CLEC16A: variants seen among roughly 807,000 people sequenced by gnomAD.
CLEC16A encodes the protein C-type lectin domain containing 16A.
A neutral mutation model predicts 109.5 loss-of-function variants in CLEC16A; 51 were observed. The observed-to-expected ratio is 0.47, with a 90% CI of 0.37 to 0.59. The LOEUF (loss-of-function observed/expected upper bound fraction) is 0.59. Ranked by LOEUF, CLEC16A falls within the 20% of genes least tolerant of loss-of-function variation. The probability of loss-of-function intolerance (pLI) is 0.00; values close to 1 mark genes in which losing one functional copy is unlikely to be tolerated. For synonymous variants in CLEC16A, 673 were observed against 564.2 expected, an observed-to-expected ratio of 1.19 and a Z score of -2.73; for missense variants, 1,339 against 1,394.0, an observed-to-expected ratio of 0.96 and a Z score of 0.63.
intron 18 of CLEC16A, among the ~76,000 whole-genome samples, chr16:11,054,530 A>G (rs959060004): frequency 6.6e-6 from 1 of 152,210 alleles, no homozygotes; most frequent in African/African-American, 2.4e-5. Context: ...CAGCTTCTCT[A>G]GAGTCTCTTT....
intron 19 of CLEC16A, among the ~76,000 whole-genome samples, chr16:11,117,396 A>G (rs1256009384): frequency 5.3e-5 from 8 of 152,196 alleles, no homozygotes; most frequent in African/African-American, 1.9e-4. Flanking sequence ...ATGTTTTGGC[A>G]CATTTTCTCT....
chr16:11,068,901 A>C (rs1597276031), intron 19 of CLEC16A, among the ~76,000 whole-genome samples: 1 of 150,844 alleles, frequency 6.6e-6, no homozygotes, highest in Non-Finnish European at 1.5e-5. Flanking sequence ...TGCAAGCTCC[A>C]CCTCCCAGAT....
intron 10 of CLEC16A, among the ~76,000 whole-genome samples, chr16:10,984,474 C>T (rs2043507469): frequency 6.6e-6 from 1 of 152,172 alleles, no homozygotes; most frequent in African/African-American, 2.4e-5. Context: ...CATAAAGAGT[C>T]TGTGCCGTAT....
intron 21 of CLEC16A, 42 bp from the exon 22 acceptor site, chr16:11,125,934 CTAT>C: frequency 7.6e-6 from 6 of 791,742 alleles, no homozygotes; most frequent in South Asian, 4.3e-5. Flanking sequence ...CCACCCCCCT[CTAT>C]CCCACATGCT....
chr16:11,079,132 T>A (rs2049560166), intron 19 of CLEC16A, among the ~76,000 whole-genome samples: 1 of 152,186 alleles, frequency 6.6e-6, no homozygotes, highest in Non-Finnish European at 1.5e-5. Context: ...GTGCTTGGCC[T>A]TGTGTATAAT....
chr16:11,035,507 G>A (rs1567224598), intron 13 of CLEC16A, among the ~76,000 whole-genome samples: 2 of 151,872 alleles, frequency 1.3e-5, no homozygotes, highest in Non-Finnish European at 2.9e-5. Context: ...ACGGCAGAGA[G>A]GAGGGAGGTA....
At chr16:11,057,839 C>T (rs1437664308) in intron 18 of CLEC16A, among the ~76,000 whole-genome samples, 1 of 152,208 alleles carries the variant, frequency 6.6e-6, no homozygotes, top group Admixed American at 6.5e-5. Context: ...TATTCACTAA[C>T]TGACCTTGGG....
intron 19 of CLEC16A, among the ~76,000 whole-genome samples, chr16:11,077,919 A>T (rs1247504577): frequency 2.7e-5 from 4 of 150,046 alleles, no homozygotes; most frequent in Admixed American, 6.7e-5. Context: ...AGGAGTTATG[A>T]CTAGCCTGGC....
intron 22 of CLEC16A, among the ~76,000 whole-genome samples, chr16:11,148,726 C>A (rs2054171640): frequency 1.3e-5 from 2 of 152,156 alleles, no homozygotes; most frequent in African/African-American, 4.8e-5. Context: ...CCTGTATGGC[C>A]AGGAAAGCAC....
intron 19 of CLEC16A, among the ~76,000 whole-genome samples, chr16:11,090,754 C>G (rs1373375018): frequency 6.6e-6 from 1 of 151,778 alleles, no homozygotes; most frequent in African/African-American, 2.4e-5. Flanking sequence ...AAGTGATTCT[C>G]CTGCCTCAGC....
At chr16:10,992,003 G>A (rs2044045837) in intron 10 of CLEC16A, among the ~76,000 whole-genome samples, 1 of 152,166 alleles carries the variant, frequency 6.6e-6, no homozygotes, top group Non-Finnish European at 1.5e-5. Context: ...GAGTTCTGAG[G>A]CCAGTTGAGT....
intron 1 of CLEC16A, among the ~76,000 whole-genome samples, chr16:10,949,829 G>A (rs532212126): frequency 2.6e-5 from 4 of 152,284 alleles, no homozygotes; most frequent in South Asian, 2.1e-4. Context: ...GGTGAGTTAC[G>A]GTAGCAGCTG....
chr16:11,156,933 A>ACCCCCC, intron 22 of CLEC16A: 1 of 55,154 alleles, frequency 1.8e-5, no homozygotes, highest in Non-Finnish European at 3.6e-5. Flanking sequence ...CCCCCCACCC[A>ACCCCCC]CCCCCTGCCG....
chr16:11,026,671 G>C lies in CLEC16A; in HGVS notation c.1537+1750G>C, dbSNP rs556416630. Among the ~76,000 whole-genome samples, 4 of 97,752 alleles carry C rather than the reference G, an allele frequency of 4.1e-5. No homozygotes were observed. The South Asian group carries it at 1.3e-3, about 32-fold the overall frequency. 64.1% of individuals were successfully genotyped at this position (97,752 alleles called of 152,430 possible). A position where few individuals can be genotyped will look rare whatever the true frequency, so the allele number is the denominator to read the frequency against. ...TTTTTTTTTTTTTTTTTTGCCTTCT[G>C]CTGCTTCCAATTTAATTTACTTTTT... On this transcript the variant is annotated intron_variant, in intron 13 of 23. Coordinates refer to ENST00000409790, the MANE Select transcript of CLEC16A (RefSeq NM_015226.3).
At chr16:11,051,376 C>G (rs146310133) in intron 17 of CLEC16A, 137 bp from the exon 18 acceptor site, 8 of 931,710 alleles carry the variant, frequency 8.6e-6, no homozygotes, top group African/African-American at 8.2e-5. Flanking sequence ...TTACTTCAAT[C>G]TAAATCCAGG....
Position 10,944,806 on chromosome 16 carries a change from G to C in CLEC16A, c.80+9G>C, listed in dbSNP as rs761920464. 5.0e-6 allele frequency: 8 copies of C among 1,599,698 alleles called. No homozygotes were observed. The highest frequency in any genetic ancestry group is 4.5e-5 in the East Asian group (2 of 44,500). ...TCCTTGGACCACCTCAAGTGAGTGT[G>C]GGGGGCGTAGCGGGAGGCCTCGGGG... On this transcript the variant is annotated intron_variant, in intron 1 of 23. Coordinates refer to ENST00000409790, the MANE Select transcript of CLEC16A (RefSeq NM_015226.3).
Position 11,103,849 on chromosome 16 carries a change from G to A in CLEC16A, c.2117-16766G>A, listed in dbSNP as rs78121167. On this transcript the variant is annotated intron_variant, in intron 19 of 23. Coordinates refer to ENST00000409790, the MANE Select transcript of CLEC16A (RefSeq NM_015226.3). ...AAAAGTCTGAGGCAGTGATGAATGG[G>A]TGTACCGGTTCCATCTATGAAGCCT... Among the ~76,000 whole-genome samples, 152 of 152,296 alleles carry A rather than the reference G, an allele frequency of 1.0e-3. 1 individual carries two copies. Among genetic ancestry groups the A allele is most frequent in the Non-Finnish European group, 1.7e-3 (114 of 68,026 alleles).
At chr16:11,042,610 A>T (rs2047400511) in intron 15 of CLEC16A, among the ~76,000 whole-genome samples, 1 of 152,166 alleles carries the variant, frequency 6.6e-6, no homozygotes, top group Non-Finnish European at 1.5e-5. Context: ...CAATTATTTG[A>T]TTCTGTATTT....
At chr16:10,995,038 A>C (rs2044248412) in intron 10 of CLEC16A, among the ~76,000 whole-genome samples, 1 of 152,136 alleles carries the variant, frequency 6.6e-6, no homozygotes, top group African/African-American at 2.4e-5. Context: ...CAAGATCCTC[A>C]CCTGTGTAGT....
Sources: gnomAD v4.1 joint callset for allele counts (sites outside exome capture counted in the v4.1 genomes callset) on GRCh38, gnomAD v4.1.1 for gene constraint, MANE v1.5 for transcripts, NCBI Gene and HGNC (gene_info 2026-07-23, HGNC 2026-07-21) for gene names.